SMARCD2: variants seen among roughly 807,000 people sequenced by gnomAD.
SMARCD2 encodes SWI/SNF related BAF chromatin remodeling complex subunit D2, also known as SWI/SNF-related matrix-associated actin-dependent regulator of chromatin subfamily D member 2.
SMARCD2 carries 39 observed loss-of-function variants against 70.4 expected under a neutral mutation model. That is an observed-to-expected ratio of 0.55 (90% CI 0.43 to 0.72). The LOEUF is 0.72. Among genes scored for constraint, SMARCD2 ranks in the 30% least tolerant of loss-of-function variants. The probability of loss-of-function intolerance (pLI) is 0.00; values close to 1 mark genes in which losing one functional copy is unlikely to be tolerated. For missense variants in SMARCD2, 540 were observed against 713.4 expected (o/e 0.76, Z 2.77); for synonymous variants, 249 against 279.4 (o/e 0.89, Z 1.08).
chr17:63,842,237 CA>C, intron 1 of SMARCD2: 1 of 740,128 alleles, frequency 1.4e-6, no homozygotes, highest in South Asian at 5.4e-5. Context: ...CGGAAGCCCC[CA>C]GGCCTCCCAG....
intron 1 of SMARCD2, among the ~76,000 whole-genome samples, chr17:63,839,955 C>T (rs56849294): frequency 0.04 from 6,100 of 152,052 alleles, 250 homozygotes; most frequent in African/African-American, 0.1. Flanking sequence ...GGTGAAACCT[C>T]GTCTCTACTA....
intron 4 of SMARCD2, 132 bp downstream of exon 4, chr17:63,836,790 G>C: frequency 1.3e-6 from 1 of 755,296 alleles, no homozygotes; most frequent in Non-Finnish European, 2.3e-6. Context: ...AACTGAGTTC[G>C]TACTCTACTA....
At position 63,834,577 on chromosome 17, in the gene SMARCD2, T is replaced by G; in HGVS notation, c.820-2A>C. 2 of 1,601,248 alleles carry G rather than the reference T, an allele frequency of 1.2e-6. No individual in the cohort carries two copies. ...CTGGGTGGTGGGCATCCGGTGCCAC[T>G]GGCAGGGAGGGAAGCATGGCTTATC... On this transcript the variant is annotated splice_acceptor_variant, in intron 6 of 12. Coordinates refer to ENST00000448276, the MANE Select transcript of SMARCD2 (RefSeq NM_001098426.2). LOFTEE classifies it high-confidence loss of function. The surrounding 1 kb of genome is among the most constrained non-coding windows in gnomAD (Gnocchi z 5.6).
chr17:63,835,299 T>TTTGTAGCTAA (rs2040251288), intron 5 of SMARCD2, 113 bp downstream of exon 5: 10 of 1,170,848 alleles, frequency 8.5e-6, no homozygotes, highest in South Asian at 3.2e-5. Context: ...ATTTTTAAAT[T>TTTGTAGCTAA]TTTTGTAGAG....
chr17:63,834,133 G>A lies in SMARCD2; in HGVS notation c.1083+34C>T. 6.2e-7 allele frequency: 1 copy of A among 1,608,222 alleles called. No individual in the cohort carries two copies. The stretch of plus-strand genomic sequence containing the variant: ...TAGCCCAGCAGGCAAGGCAAAGCAA[G>A]GGCTGAGAAAACGGGGGCTGGCATC... On this transcript the variant is annotated intron_variant, in intron 8 of 12. Transcript: ENST00000448276. The surrounding 1 kb of genome is among the most constrained non-coding windows in gnomAD (Gnocchi z 5.6).
At chr17:63,842,405 CG>C in intron 1 of SMARCD2, 53 bp downstream of exon 1, 1 of 1,298,576 alleles carries the variant, frequency 7.7e-7, no homozygotes, top group Non-Finnish European at 9.8e-7. Flanking sequence ...GCCGCCGGCC[CG>C]GGCGCCCTCG....
intron 1 of SMARCD2, among the ~76,000 whole-genome samples, chr17:63,838,088 T>C (rs1342678275): frequency 2.0e-5 from 3 of 151,256 alleles, no homozygotes; most frequent in Non-Finnish European, 4.4e-5. Flanking sequence ...GGCAGAGGAG[T>C]GTACTATAGT....
At chr17:63,839,851 G>A (rs771328885) in intron 1 of SMARCD2, among the ~76,000 whole-genome samples, 3 of 152,222 alleles carry the variant, frequency 2.0e-5, no homozygotes, top group African/African-American at 4.8e-5. Flanking sequence ...TTTTGAGGCC[G>A]GGTGCAGTGG....
At position 63,833,213 on chromosome 17, in the gene SMARCD2, CT is replaced by C; in HGVS notation, c.1441-44del. The stretch of plus-strand genomic sequence containing the variant: ...GAAAGCCATAGCATAATCCCCACCC[CT>C]GGGCTAATCCACCCTGGGAACTGCT... On this transcript the variant is annotated intron_variant, in intron 11 of 12. Coordinates refer to ENST00000448276, the MANE Select transcript of SMARCD2 (RefSeq NM_001098426.2). The surrounding 1 kb of genome is among the most constrained non-coding windows in gnomAD (Gnocchi z 4.3). The C allele has an allele frequency of 6.2e-7, 1 of 1,611,090 alleles. No individual in the cohort carries two copies. The highest frequency in any genetic ancestry group is 2.2e-5 in the East Asian group (1 of 44,824).
chr17:63,832,230 A>C lies in SMARCD2; in HGVS notation c.*708T>G. On this transcript the variant is annotated 3_prime_UTR_variant, in exon 13 of 13. Transcript: ENST00000448276. The stretch of plus-strand genomic sequence containing the variant: ...ACCTTACCCTGGCCTCCACATGCAC[A>C]TACCCCATACCTCAGGCCATGCTAG... 1 of 538,560 alleles carries C rather than the reference A, an allele frequency of 1.9e-6. No homozygotes were observed. Among genetic ancestry groups the C allele is most frequent in the Non-Finnish European group, 3.4e-6 (1 of 298,000 alleles). The allele number at this position is 538,560 out of a possible 1,614,324, so 33.4% of individuals were successfully genotyped here. A position where few individuals can be genotyped will look rare whatever the true frequency, so the allele number is the denominator to read the frequency against.
At position 63,837,491 on chromosome 17, in the gene SMARCD2, T is replaced by C. The variant is rs758842808; in HGVS notation, c.351A>G (p.Lys117=). ...MPPTMMDPFR[K]RLLVPQAQPP... ...GCTGCGCCTGGGGCACAAGCAGGCG[T>C]TTTCGGAATGGATCCATCATGGTGG... Residue 117 remains lysine (K), a synonymous_variant, in exon 2 of 13, where the codon AAA becomes AAG. Transcript: ENST00000448276. The surrounding 1 kb of genome is among the most constrained non-coding windows in gnomAD (Gnocchi z 6.4). 3 of 1,592,672 alleles carry C rather than the reference T, an allele frequency of 1.9e-6. No homozygotes were observed. Among genetic ancestry groups the C allele is most frequent in the East Asian group, 4.5e-5 (2 of 44,554 alleles).
At position 63,839,038 on chromosome 17, in the gene SMARCD2, C is replaced by T. The variant is rs981802675; in HGVS notation, c.217-1413G>A. 4 of 985,120 alleles carry T rather than the reference C, an allele frequency of 4.1e-6. No homozygotes were observed. In the Admixed American group the frequency reaches 1.8e-4, roughly 45 times the overall value. 61.0% of individuals were successfully genotyped at this position (985,120 alleles called of 1,614,324 possible). A position where few individuals can be genotyped will look rare whatever the true frequency, so the allele number is the denominator to read the frequency against. ...AGAATAAAAAGTTCAAAGTGGGGGG[C>T]TCTGGGGCTTTGGGAGTCCTGCCAA... On this transcript the variant is annotated intron_variant, in intron 1 of 12. Coordinates refer to ENST00000448276, the MANE Select transcript of SMARCD2 (RefSeq NM_001098426.2).
intron 4 of SMARCD2, among the ~76,000 whole-genome samples, chr17:63,835,987 C>T (rs2040260717): frequency 6.6e-6 from 1 of 152,056 alleles, no homozygotes; most frequent in African/African-American, 2.4e-5. Flanking sequence ...CTTCGGCCTC[C>T]TAAAGTGCTG....
At position 63,842,512 on chromosome 17, in the gene SMARCD2, C is replaced by G; in HGVS notation, c.163G>C (p.Gly55Arg). The G allele has an allele frequency of 8.1e-7, 1 of 1,229,778 alleles. No individual in the cohort carries two copies. Among genetic ancestry groups the G allele is most frequent in the Non-Finnish European group, 1.0e-6 (1 of 988,428 alleles). 76.2% of individuals were successfully genotyped at this position (1,229,778 alleles called of 1,614,324 possible). The change falls in exon 1 of 13, where the codon GGG becomes CGG. Residue 55 changes from glycine (G) to arginine (R), a missense_variant. Physicochemically the swap from Gly to Arg is moderately radical, Grantham distance 125. Transcript: ENST00000448276. ...CCCATGGGGCGGAAGGCGGCGGCCCCGGGGCCCCCCACGCCTCCTGCCGGA... is the reference window on the plus strand; with the variant it reads ...CCCATGGGGCGGAAGGCGGCGGCCCGGGGGCCCCCCACGCCTCCTGCCGGA... Reference protein sequence around the residue: ...PGPAGGVGGPGAAAFRPMGPA... With the variant: ...PGPAGGVGGPRAAAFRPMGPA...
rs1441792427 is a variant in SMARCD2 at position 63,833,728 on chromosome 17, G to C, written c.1182-6C>G. ...TCTGGTCGTTAGGGTCGACACTGCA[G>C]GCAGCACATGGGGAGGGAAGGCACA... On this transcript the variant is annotated splice_region_variant and splice_polypyrimidine_tract_variant and intron_variant, in intron 9 of 12. Transcript: ENST00000448276. This position sits in a 1 kb window ranked among gnomAD's most constrained non-coding sequence, Gnocchi z 4.3. 1 of 1,613,872 alleles carries C rather than the reference G, an allele frequency of 6.2e-7. No individual in the cohort carries two copies. Among genetic ancestry groups the C allele is most frequent in the Non-Finnish European group, 8.5e-7 (1 of 1,179,900 alleles).
chr17:63,840,481 G>GT, intron 1 of SMARCD2, among the ~76,000 whole-genome samples: 1 of 151,986 alleles, frequency 6.6e-6, no homozygotes, highest in South Asian at 2.1e-4. Context: ...TGCCCTGGAG[G>GT]TTTTTTTCTT....
Position 63,837,125 on chromosome 17 carries a change from T to G in SMARCD2, c.444+70A>C. On this transcript the variant is annotated intron_variant, in intron 3 of 12. Coordinates refer to ENST00000448276, the MANE Select transcript of SMARCD2 (RefSeq NM_001098426.2). The surrounding 1 kb of genome is among the most constrained non-coding windows in gnomAD (Gnocchi z 6.4). ...CCTCCCTTCCTGCTGCAGCCCAGCT[T>G]TGAGAGAGATGGACACCCACCCCAA... 6.2e-7 allele frequency: 1 copy of G among 1,612,142 alleles called. No homozygotes were observed.
rs373206141 is a variant in SMARCD2 at position 63,838,508 on chromosome 17, G to A, written c.217-883C>T. 301 of 1,071,756 alleles carry A rather than the reference G, an allele frequency of 2.8e-4. 1 individual carries two copies. In the East Asian group the frequency reaches 5.7e-3, roughly 20 times the overall value. The allele number at this position is 1,071,756 out of a possible 1,614,324, so 66.4% of individuals were successfully genotyped here. ...TGGCAATCCCAAGCTGGAGAAGGGG[G>A]CTAAGATTATCCTGGGAGGCAAGGA... On this transcript the variant is annotated intron_variant, in intron 1 of 12. Transcript: ENST00000448276.
chr17:63,834,149 G>A lies in SMARCD2; in HGVS notation c.1083+18C>T, dbSNP rs984751674. Reference sequence around the variant, plus strand: ...GCAAAGCAAGGGCTGAGAAAACGGGGGCTGGCATCTGGCTAACCTGGCGGA... The same window carrying A: ...GCAAAGCAAGGGCTGAGAAAACGGGAGCTGGCATCTGGCTAACCTGGCGGA... On this transcript the variant is annotated intron_variant, in intron 8 of 12. Transcript: ENST00000448276. The surrounding 1 kb of genome is among the most constrained non-coding windows in gnomAD (Gnocchi z 5.6). The A allele has an allele frequency of 6.2e-7, 1 of 1,608,952 alleles. No homozygotes were observed.
Sources: gnomAD v4.1 joint callset for allele counts (sites outside exome capture counted in the v4.1 genomes callset) on GRCh38, gnomAD v4.1.1 for gene constraint, Gnocchi (gnomAD v3.1) non-coding constraint, MANE v1.5 for transcripts, NCBI Gene and HGNC (gene_info 2026-07-23, HGNC 2026-07-21) for gene names.